The following RIF1 variants were observed in gnomAD, a reference collection of about 807,000 sequenced individuals.
RIF1 encodes telomere-associated protein RIF1.
In RIF1, 45 loss-of-function variants were observed where a neutral mutation model predicts 247.1. The ratio of observed to expected loss-of-function variants is 0.18; its 90% CI spans 0.14 to 0.23. RIF1 has a LOEUF of 0.23. Ranked by LOEUF, RIF1 falls within the 10% of genes least tolerant of loss-of-function variation. The probability of loss-of-function intolerance (pLI) is 1.00; values close to 1 mark genes in which losing one functional copy is unlikely to be tolerated. For missense variants in RIF1, 2,967 were observed against 2,862.5 expected, an observed-to-expected ratio of 1.04 and a Z score of -0.83; for synonymous variants, 1,087 against 978.8, an observed-to-expected ratio of 1.11 and a Z score of -2.06.
At chr2:151,528,181 C>T in the RIF1 span, among the ~76,000 whole-genome samples, 6 of 152,292 alleles carry the variant, frequency 3.9e-5, no homozygotes, top group East Asian at 1.2e-3. Context: ...GCTTCCTAGA[C>T]CCTTCAGGGC....
intron 3 of RIF1, among the ~76,000 whole-genome samples, chr2:151,412,970 T>C (rs190820891): frequency 2.0e-5 from 3 of 152,308 alleles, no homozygotes; most frequent in Admixed American, 1.3e-4. Flanking sequence ...ATTATCATAT[T>C]CCATATTATA....
intron 10 of RIF1, chr2:151,498,452 G>A: frequency 1.3e-6 from 1 of 767,010 alleles, no homozygotes; most frequent in South Asian, 2.0e-5. Flanking sequence ...AAGAGAGTAA[G>A]TTAGAGGAAG....
intron 18 of RIF1, among the ~76,000 whole-genome samples, chr2:151,444,288 T>C (rs1382750392): frequency 6.6e-6 from 1 of 152,180 alleles, no homozygotes; most frequent in African/African-American, 2.4e-5. Context: ...AACTCAAAAA[T>C]GAAATAACTC....
intron 12 of RIF1, 28 bp from the exon 13 acceptor site, chr2:151,437,213 A>G (rs780442045): frequency 4.8e-5 from 73 of 1,525,694 alleles, no homozygotes; most frequent in Non-Finnish European, 6.4e-5. Context: ...GTTGTTTTAC[A>G]TAATTATCTT....
chr2:151,458,258 A>G (rs1218723768), intron 24 of RIF1, among the ~76,000 whole-genome samples: 1 of 123,468 alleles, frequency 8.1e-6, no homozygotes, highest in East Asian at 2.6e-4. Flanking sequence ...TTTGAGATAG[A>G]GTCTCACTCT....
rs1224339931 is a variant in RIF1 at position 151,481,755 on chromosome 2, GTGGCA to G, written c.*6686_*6690del. 6.6e-6 allele frequency: 1 copy of G among 152,196 alleles called. No homozygotes were observed. Among genetic ancestry groups the G allele is most frequent in the East Asian group, 1.9e-4 (1 of 5,198 alleles). The allele number at this position is 152,196 out of a possible 1,614,324, so 9.4% of individuals were successfully genotyped here. A position where few individuals can be genotyped will look rare whatever the true frequency, so the allele number is the denominator to read the frequency against. On this transcript the variant is annotated 3_prime_UTR_variant, in exon 36 of 36. Transcript: ENST00000444746. ...TATACTAGGGGTCTCAAACCCCTGG[GTGGCA>G]TTAGATTCTTACAGGAGCGTGAACC...
chr2:151,437,899 T>C (rs2152347533), intron 13 of RIF1, among the ~76,000 whole-genome samples: 1 of 152,322 alleles, frequency 6.6e-6, no homozygotes, highest in South Asian at 2.1e-4. Context: ...TCAAGCTCTA[T>C]GGCTCTAGCA....
At chr2:151,466,268 G>A (rs1394503103) in intron 30 of RIF1, 148 bp downstream of exon 30, 14 of 585,032 alleles carry the variant, frequency 2.4e-5, no homozygotes, top group Non-Finnish European at 2.7e-5. Flanking sequence ...GGAAAAGGTA[G>A]GTAGAAGAAA....
chr2:151,486,577 T>G (rs770279097), downstream of RIF1: 1 of 152,266 alleles, frequency 6.6e-6, no homozygotes, highest in African/African-American at 2.4e-5. Context: ...TTACTCATAA[T>G]AGCCAAAAAG....
intron 3 of RIF1, among the ~76,000 whole-genome samples, chr2:151,411,682 T>G (rs1558922492): frequency 6.6e-6 from 1 of 152,180 alleles, no homozygotes. Context: ...ATTACAGGAG[T>G]GAGCCACTGT....
At chr2:151,422,886 G>A in intron 7 of RIF1, 64 bp from the exon 8 acceptor site, 1 of 841,754 alleles carries the variant, frequency 1.2e-6, no homozygotes, top group South Asian at 1.5e-5. Flanking sequence ...ATTATTCCTA[G>A]ACTTTGGTAT....
chr2:151,496,480 G>T, intron 10 of RIF1: 1 of 1,464,348 alleles, frequency 6.8e-7, no homozygotes, highest in Non-Finnish European at 9.2e-7. Context: ...CGTCCAAGGA[G>T]CCAGAAGTTA....
chr2:151,493,121 T>C (rs2057858834), intron 9 of RIF1: 1 of 471,450 alleles, frequency 2.1e-6, no homozygotes, highest in African/African-American at 2.0e-5. Flanking sequence ...TTGTTATGTT[T>C]AGTATGATGG....
In RIF1 at chr2:151,463,781, CGTTCAGAA is replaced by C; in HGVS notation, c.4264_4271del (p.Glu1423ArgfsTer5). 1 of 1,613,636 alleles carries C rather than the reference CGTTCAGAA, an allele frequency of 6.2e-7. No homozygotes were observed. The highest frequency in any genetic ancestry group is 8.5e-7 in the Non-Finnish European group (1 of 1,179,896). On this transcript the variant is annotated frameshift_variant, in exon 30 of 36. Transcript: ENST00000444746. LOFTEE classifies it high-confidence loss of function. ...AACCCTTAGACGGTCTTCAAGGCGACGTTCAGAAGTAGTAGAGTCTACCACTGAAAGCC... is the reference window on the plus strand; with the variant it reads ...AACCCTTAGACGGTCTTCAAGGCGACGTAGTAGAGTCTACCACTGAAAGCC...
chr2:151,525,536 G>A, the RIF1 span, among the ~76,000 whole-genome samples: 3 of 152,110 alleles, frequency 2.0e-5, no homozygotes, highest in African/African-American at 7.2e-5. Context: ...AAAAATATAT[G>A]GAACCATATG....
Position 151,416,873 on chromosome 2 carries a change from G to T in RIF1, c.475G>T (p.Asp159Tyr), listed in dbSNP as rs1687300351. The change falls in exon 6 of 36, where the codon GAT becomes TAT. Residue 159 changes from aspartate (D) to tyrosine (Y), a missense_variant. By Grantham distance (160) the Asp-to-Tyr change is radical. Around this residue, in one of 7 missense-constraint regions of RIF1, gnomAD observed 269 missense variants for 288.6 expected, o/e 0.93. Transcript: ENST00000444746. ...AGGAGAGACGCATTCTGCTGTTGTT[G>T]ATTTTGAAGCATTAAATGTTATCGT... ...NKGETHSAVV[D>Y]FEALNVIVRL... is the part of the protein sequence containing the mutation. 6.2e-7 allele frequency: 1 copy of T among 1,612,084 alleles called. No individual in the cohort carries two copies. The highest frequency in any genetic ancestry group is 1.3e-5 in the African/African-American group (1 of 74,884).
At chr2:151,519,554 G>T in the RIF1 span, 1 of 834,166 alleles carries the variant, frequency 1.2e-6, no homozygotes, top group Non-Finnish European at 1.9e-6. Flanking sequence ...GACAGTAGTT[G>T]GATAATATTG....
chr2:151,446,571 T>A lies in RIF1; in HGVS notation c.2240T>A (p.Phe747Tyr). The A allele has an allele frequency of 6.2e-7, 1 of 1,612,092 alleles. No homozygotes were observed. Among genetic ancestry groups the A allele is most frequent in the East Asian group, 2.2e-5 (1 of 44,862 alleles). Residue 747 changes from phenylalanine to tyrosine, a missense_variant, in exon 20 of 36, where the codon TTT (phenylalanine) becomes TAT (tyrosine). Coordinates refer to ENST00000444746, the MANE Select transcript of RIF1 (RefSeq NM_018151.5). ...KIMSSLEDEG[F>Y]SNLLFVDRII... ...ATGTCCAGTTTGGAAGATGAAGGCT[T>A]TTCTGTGAGTTTGTCCTGATGCTAC... is the stretch of plus-strand genomic sequence containing the variant.
chr2:151,427,927 C>T (rs1689411435), intron 8 of RIF1, among the ~76,000 whole-genome samples: 1 of 152,098 alleles, frequency 6.6e-6, no homozygotes, highest in Admixed American at 6.6e-5. Context: ...CATGGTGGCA[C>T]GCACCTATAA....
Sources: allele counts gnomAD v4.1 joint callset (sites outside exome capture counted in the v4.1 genomes callset), GRCh38; gene constraint gnomAD v4.1.1; regional missense constraint gnomAD v4.1.1; transcripts MANE v1.5; gene names NCBI Gene and HGNC (gene_info 2026-07-23, HGNC 2026-07-21).